NEURL1: variants seen among roughly 807,000 people sequenced by gnomAD.
The protein encoded by NEURL1 is E3 ubiquitin-protein ligase NEURL1.
Under a neutral mutation model 41.2 loss-of-function variants are expected in NEURL1, and 26 were observed. The observed-to-expected ratio is 0.63, with a 90% CI of 0.46 to 0.87. NEURL1 has a LOEUF of 0.87. NEURL1 is among the 40% of genes least tolerant of loss of function. The probability of loss-of-function intolerance (pLI) is 0.00; values close to 1 mark genes in which losing one functional copy is unlikely to be tolerated. For missense variants in NEURL1, 761 were observed against 871.1 expected, an observed-to-expected ratio of 0.87 and a Z score of 1.59; for synonymous variants, 400 against 402.3, an observed-to-expected ratio of 0.99 and a Z score of 0.07.
intron 1 of NEURL1, among the ~76,000 whole-genome samples, chr10:103,534,508 A>G (rs2034650614): frequency 1.3e-5 from 2 of 152,164 alleles, no homozygotes; most frequent in Admixed American, 1.3e-4. Flanking sequence ...GTCTCTATGC[A>G]GCTTCTTCAG....
chr10:103,516,493 T>C lies in NEURL1; in HGVS notation c.85+22021T>C, dbSNP rs930607740. ...GGGAGACGCTGGGTTGGCAACTCCA[T>C]GTGTGAGCTTGAATCTCAGAAGAGA... On this transcript the variant is annotated intron_variant, in intron 1 of 5. Coordinates refer to ENST00000369780, the MANE Select transcript of NEURL1 (RefSeq NM_004210.5). Among the ~76,000 whole-genome samples, 5 of 151,820 alleles carry C rather than the reference T, an allele frequency of 3.3e-5. No individual in the cohort carries two copies. The East Asian group carries it at 5.8e-4, about 18-fold the overall frequency.
At chr10:103,520,860 G>C (rs953101164) in intron 1 of NEURL1, among the ~76,000 whole-genome samples, 2 of 152,052 alleles carry the variant, frequency 1.3e-5, no homozygotes, top group African/African-American at 4.8e-5. Context: ...TTAGAAGGAG[G>C]ATTTGTCTTA....
intron 1 of NEURL1, among the ~76,000 whole-genome samples, chr10:103,503,056 A>T (rs1463065440): frequency 6.6e-6 from 1 of 152,176 alleles, no homozygotes; most frequent in African/African-American, 2.4e-5. Flanking sequence ...AAGCTGGCCG[A>T]TAGGAGGGCC....
chr10:103,532,908 C>A (rs1001153919), intron 1 of NEURL1, among the ~76,000 whole-genome samples: 1 of 144,386 alleles, frequency 6.9e-6, no homozygotes, highest in Admixed American at 7.0e-5. Context: ...ACACCTTTTT[C>A]CTTCTCTTCT....
At chr10:103,539,969 A>C (rs1275011773) in intron 1 of NEURL1, among the ~76,000 whole-genome samples, 1 of 152,188 alleles carries the variant, frequency 6.6e-6, no homozygotes, top group African/African-American at 2.4e-5. Flanking sequence ...GCAACCTTGC[A>C]ATGTTATGTG....
chr10:103,529,445 C>A (rs1648426797), intron 1 of NEURL1, among the ~76,000 whole-genome samples: 1 of 152,126 alleles, frequency 6.6e-6, no homozygotes, highest in African/African-American at 2.4e-5. Context: ...GGTGAGGAAC[C>A]CTGTACAGGG....
intron 1 of NEURL1, among the ~76,000 whole-genome samples, chr10:103,521,041 C>T (rs2034337893): frequency 6.6e-6 from 1 of 152,112 alleles, no homozygotes; most frequent in African/African-American, 2.4e-5. Context: ...TAATTACTTG[C>T]TTGGTTGGTG....
chr10:103,571,947 C>T lies in NEURL1; in HGVS notation c.649+125C>T, dbSNP rs529133606. 2.2e-5 allele frequency: 21 copies of T among 963,894 alleles called. No individual in the cohort carries two copies. The South Asian group carries it at 2.9e-4, about 13-fold the overall frequency. The allele number at this position is 963,894 out of a possible 1,614,324, so 59.7% of individuals were successfully genotyped here. A position where few individuals can be genotyped will look rare whatever the true frequency, so the allele number is the denominator to read the frequency against. On this transcript the variant is annotated intron_variant, in intron 3 of 5. Transcript: ENST00000369780. ...CTCTCTGACTGGTGCCAAGGGGAAC[C>T]GGGGCAGCCCTGGGAACCTTGGCAT... is the stretch of plus-strand genomic sequence containing the variant.
chr10:103,533,116 A>G (rs541398660), intron 1 of NEURL1, among the ~76,000 whole-genome samples: 3 of 150,394 alleles, frequency 2.0e-5, no homozygotes, highest in Admixed American at 1.3e-4. Context: ...TTTAGTAGAG[A>G]CGGGGTTTCA....
intron 4 of NEURL1, among the ~76,000 whole-genome samples, chr10:103,589,204 G>A (rs928131161): frequency 1.3e-5 from 2 of 152,190 alleles, no homozygotes; most frequent in Non-Finnish European, 2.9e-5. Context: ...AGGGGCGGAG[G>A]TAGGTGCCAG....
At chr10:103,563,157 G>A (rs918633657) in intron 1 of NEURL1, among the ~76,000 whole-genome samples, 1 of 152,196 alleles carries the variant, frequency 6.6e-6, no homozygotes, top group Admixed American at 6.5e-5. Flanking sequence ...GGACTGAAAT[G>A]AGCCGATCAT....
chr10:103,551,209 T>C (rs2035025592), intron 1 of NEURL1, among the ~76,000 whole-genome samples: 1 of 151,964 alleles, frequency 6.6e-6, no homozygotes, highest in African/African-American at 2.4e-5. Context: ...GGGCACTCAG[T>C]GAATGGTTGA....
chr10:103,569,995 C>A (rs1180431277), intron 1 of NEURL1, among the ~76,000 whole-genome samples: 1 of 152,216 alleles, frequency 6.6e-6, no homozygotes, highest in East Asian at 1.9e-4. Flanking sequence ...CCATCTCCTT[C>A]CTGGAAGCTG....
Position 103,584,555 on chromosome 10 carries a change from G to A in NEURL1, c.669G>A (p.Pro223=). The A allele has an allele frequency of 5.0e-6, 7 of 1,407,854 alleles. No individual in the cohort carries two copies. The highest frequency in any genetic ancestry group is 1.5e-5 in the South Asian group (1 of 65,496). The allele number at this position is 1,407,854 out of a possible 1,614,324, so 87.2% of individuals were successfully genotyped here. A position where few individuals can be genotyped will look rare whatever the true frequency, so the allele number is the denominator to read the frequency against. The stretch of plus-strand genomic sequence containing the variant: ...GCGCAGATAGCGAGCTGGTGCTCCC[G>A]GACTGTCTGCGGCCGCGCTCCTTCA... ...VQLLDSELVL[P]DCLRPRSFTA... Residue 223 remains proline (P), a synonymous_variant, in exon 4 of 6, where the codon CCG becomes CCA. Coordinates refer to ENST00000369780, the MANE Select transcript of NEURL1 (RefSeq NM_004210.5).
At position 103,508,052 on chromosome 10, in the gene NEURL1, C is replaced by T. The variant is rs188387066; in HGVS notation, c.85+13580C>T. Among the ~76,000 whole-genome samples the T allele has an allele frequency of 3.9e-5, 6 of 152,318 alleles. No homozygotes were observed. The highest frequency in any genetic ancestry group is 2.6e-4 in the Admixed American group (4 of 15,302). On this transcript the variant is annotated intron_variant, in intron 1 of 5. Coordinates refer to ENST00000369780, the MANE Select transcript of NEURL1 (RefSeq NM_004210.5). This position sits in a 1 kb window ranked among gnomAD's most constrained non-coding sequence, Gnocchi z 4.3. ...ATAAAACTGTCAAGGGATGGACAAGCAAGAGGGACTGGATGGATGGCCCTG... is the reference window on the plus strand; with the variant it reads ...ATAAAACTGTCAAGGGATGGACAAGTAAGAGGGACTGGATGGATGGCCCTG...
At chr10:103,520,119 T>G (rs2034313047) in intron 1 of NEURL1, among the ~76,000 whole-genome samples, 1 of 152,040 alleles carries the variant, frequency 6.6e-6, no homozygotes, top group African/African-American at 2.4e-5. Context: ...ATTGCTTAAA[T>G]TTTTATAAAG....
intron 3 of NEURL1, among the ~76,000 whole-genome samples, chr10:103,575,377 C>G (rs1037795540): frequency 6.6e-6 from 1 of 152,162 alleles, no homozygotes; most frequent in Admixed American, 6.5e-5. Context: ...GGTGACTGTC[C>G]CCCAAACCAA....
At chr10:103,506,042 A>G (rs961526582) in intron 1 of NEURL1, among the ~76,000 whole-genome samples, 2 of 152,154 alleles carry the variant, frequency 1.3e-5, no homozygotes, top group Non-Finnish European at 2.9e-5. Context: ...GCTTACCCAG[A>G]TGGCCTTCTT....
Position 103,570,902 on chromosome 10 carries a change from C to G in NEURL1, c.116C>G (p.Ser39Cys). ...ATCGGGGGCCCCTTCCCCGTCACTTCTCACCGATGCCACCACAAGCAGAAG... is the reference window on the plus strand; with the variant it reads ...ATCGGGGGCCCCTTCCCCGTCACTTGTCACCGATGCCACCACAAGCAGAAG... ...DSIGGPFPVT[S>C]HRCHHKQKHC... Residue 39 changes from serine to cysteine, a missense_variant, in exon 2 of 6, where the codon TCT becomes TGT. Around this residue, in one of 5 missense-constraint regions of NEURL1, gnomAD observed 94 missense variants for 96.6 expected, o/e 0.97. Transcript: ENST00000369780. The G allele has an allele frequency of 1.2e-6, 2 of 1,613,798 alleles. No individual in the cohort carries two copies. The highest frequency in any genetic ancestry group is 1.7e-6 in the Non-Finnish European group (2 of 1,179,952).
Sources: gnomAD v4.1 joint callset for allele counts (sites outside exome capture counted in the v4.1 genomes callset) on GRCh38, gnomAD v4.1.1 for gene constraint, gnomAD v4.1.1 regional missense constraint, Gnocchi (gnomAD v3.1) non-coding constraint, MANE v1.5 for transcripts, NCBI Gene and HGNC (gene_info 2026-07-23, HGNC 2026-07-21) for gene names.